Variants in SRL observed in about 807,000 individuals in gnomAD.
SRL encodes sarcalumenin.
In SRL, 23 loss-of-function variants were observed where a neutral mutation model predicts 39.5. The ratio of observed to expected loss-of-function variants is 0.58; its 90% CI spans 0.42 to 0.82. SRL has a LOEUF of 0.82. SRL is among the 40% of genes least tolerant of loss of function. SRL has a pLI of 0.00. For missense variants in SRL, 592 were observed against 607.8 expected, an observed-to-expected ratio of 0.97 and a Z score of 0.27; for synonymous variants, 272 against 237.4, an observed-to-expected ratio of 1.15 and a Z score of -1.34.
rs1252715774 is a variant in SRL, at chr16:4,204,545, C to T, written c.151G>A (p.Asp51Asn). 8.7e-6 allele frequency: 14 copies of T among 1,613,780 alleles called. No individual in the cohort carries two copies. The highest frequency in any genetic ancestry group is 2.2e-5 in the South Asian group (2 of 91,074). ...TLMLNEDKPS[D>N]DYSAVLQRLR... Reference sequence around the variant, plus strand: ...CTCCCCTGGTTACCAGAGTAGTCATCGGATGGCTTGTCCTCATTCAGCATG... The same window carrying T: ...CTCCCCTGGTTACCAGAGTAGTCATTGGATGGCTTGTCCTCATTCAGCATG... Residue 51 changes from aspartate (D) to asparagine (N), a missense_variant, in exon 2 of 6, where the codon GAT becomes AAT. Transcript: ENST00000399609.
At chr16:4,241,359 C>G (rs1420405862) in intron 1 of SRL, among the ~76,000 whole-genome samples, 2 of 152,214 alleles carry the variant, frequency 1.3e-5, no homozygotes, top group African/African-American at 4.8e-5. Flanking sequence ...CCTCAGCACA[C>G]AGAGCCAAGC....
At position 4,201,901 on chromosome 16, in the gene SRL, G is replaced by A. The variant is rs546153984; in HGVS notation, c.259+1265C>T. Reference sequence around the variant, plus strand: ...GAACTCCTGACCTCATGATCTGCCCGCCTTGGCCTCCTAAAGTGCTGGTAT... The same window carrying A: ...GAACTCCTGACCTCATGATCTGCCCACCTTGGCCTCCTAAAGTGCTGGTAT... On this transcript the variant is annotated intron_variant, in intron 3 of 5. Coordinates refer to ENST00000399609, the MANE Select transcript of SRL (RefSeq NM_001098814.2). Among the ~76,000 whole-genome samples, 215 of 151,750 alleles carry A rather than the reference G, an allele frequency of 1.4e-3. 2 individuals are homozygous for A. Among genetic ancestry groups the A allele is most frequent in the South Asian group, 9.4e-3 (45 of 4,802 alleles).
intron 1 of SRL, among the ~76,000 whole-genome samples, chr16:4,238,755 T>C (rs1002343857): frequency 1.3e-5 from 2 of 151,666 alleles, no homozygotes; most frequent in Non-Finnish European, 1.5e-5. Flanking sequence ...CTCAAGTAGC[T>C]GGGACCACAG....
intron 5 of SRL, among the ~76,000 whole-genome samples, chr16:4,194,040 A>C (rs956330041): frequency 6.6e-6 from 1 of 152,082 alleles, no homozygotes; most frequent in Non-Finnish European, 1.5e-5. Flanking sequence ...CCACAATTGG[A>C]GTTGTAACCA....
chr16:4,220,278 A>AACACACACACACACACACACAC (rs71394664), intron 1 of SRL, among the ~76,000 whole-genome samples: 119 of 140,796 alleles, frequency 8.5e-4, no homozygotes, highest in South Asian at 2.6e-3. Context: ...TCTCTACTAA[A>AACACACACACACACACACACAC]ACACACACAC....
At chr16:4,196,825 T>C (rs1238339290) in intron 4 of SRL, among the ~76,000 whole-genome samples, 2 of 152,130 alleles carry the variant, frequency 1.3e-5, no homozygotes, top group Non-Finnish European at 2.9e-5. Context: ...TCCTCTTGTG[T>C]CTGTCTTCTT....
Position 4,190,360 on chromosome 16 carries a change from C to T in SRL, c.*1793G>A, listed in dbSNP as rs2052046268. Reference sequence around the variant, plus strand: ...ACTTCCTGGTGCTGAGCTGGTGCATCCTGACTCCTGCCTCGTGGGTAAGGC... The same window carrying T: ...ACTTCCTGGTGCTGAGCTGGTGCATTCTGACTCCTGCCTCGTGGGTAAGGC... On this transcript the variant is annotated 3_prime_UTR_variant, in exon 6 of 6. Transcript: ENST00000399609. 5.0e-6 allele frequency: 2 copies of T among 398,726 alleles called. No individual in the cohort carries two copies. The highest frequency in any genetic ancestry group is 4.4e-5 in the Admixed American group (1 of 22,724). The allele number at this position is 398,726 out of a possible 1,614,324, so 24.7% of individuals were successfully genotyped here.
At chr16:4,237,139 T>C (rs2052722010) in intron 1 of SRL, among the ~76,000 whole-genome samples, 1 of 151,478 alleles carries the variant, frequency 6.6e-6, no homozygotes. Context: ...ATTTTCTATG[T>C]TGTCCAGGCT....
intron 3 of SRL, among the ~76,000 whole-genome samples, chr16:4,198,292 T>G (rs2052176562): frequency 6.6e-6 from 1 of 152,196 alleles, no homozygotes. Context: ...GGGTTGAGAA[T>G]GGAGGATGGA....
chr16:4,228,387 G>C (rs2052615905), intron 1 of SRL, among the ~76,000 whole-genome samples: 1 of 152,048 alleles, frequency 6.6e-6, no homozygotes, highest in Non-Finnish European at 1.5e-5. Flanking sequence ...AGTGAGCCGA[G>C]ATTGCACCAC....
At chr16:4,197,994 T>G in intron 3 of SRL, 79 bp from the exon 4 acceptor site, 1 of 938,468 alleles carries the variant, frequency 1.1e-6, no homozygotes, top group East Asian at 2.4e-5. Flanking sequence ...CTCCAAAGCA[T>G]CTCACCGTCC....
At chr16:4,237,065 C>T (rs763299211) in intron 1 of SRL, among the ~76,000 whole-genome samples, 224 of 152,146 alleles carry the variant, frequency 1.5e-3, no homozygotes, top group Non-Finnish European at 2.8e-3. Flanking sequence ...CCTCAACCTC[C>T]CAAGTAGCTG....
chr16:4,209,252 G>T (rs375394670), intron 1 of SRL, among the ~76,000 whole-genome samples: 45 of 151,688 alleles, frequency 3.0e-4, no homozygotes, highest in Admixed American at 3.0e-3. Context: ...CAGGCTGGGC[G>T]ACAGAGTGAG....
chr16:4,227,657 G>A (rs879931948), intron 1 of SRL, among the ~76,000 whole-genome samples: 11 of 152,124 alleles, frequency 7.2e-5, no homozygotes, highest in Non-Finnish European at 1.3e-4. Context: ...CCCCACTTGC[G>A]TTCCAAGAGA....
At chr16:4,196,374 T>A (rs577851480) in intron 4 of SRL, among the ~76,000 whole-genome samples, 1 of 151,966 alleles carries the variant, frequency 6.6e-6, no homozygotes, top group Non-Finnish European at 1.5e-5. Context: ...TCTTCCCAAC[T>A]GAAAACTCTG....
intron 1 of SRL, among the ~76,000 whole-genome samples, chr16:4,238,635 T>C (rs2052738621): frequency 6.6e-6 from 1 of 151,808 alleles, no homozygotes; most frequent in African/African-American, 2.4e-5. Flanking sequence ...TTTTTTTTTT[T>C]TTTCCTTGAG....
At chr16:4,234,449 T>C (rs945225352) in intron 1 of SRL, among the ~76,000 whole-genome samples, 1 of 152,188 alleles carries the variant, frequency 6.6e-6, no homozygotes, top group Non-Finnish European at 1.5e-5. Context: ...GCAACAGGCA[T>C]GTCCCCAAGG....
intron 1 of SRL, among the ~76,000 whole-genome samples, chr16:4,226,404 G>T (rs2141061316): frequency 1.3e-5 from 2 of 151,778 alleles, no homozygotes; most frequent in Middle Eastern, 3.4e-3. Context: ...ATGAATGGAT[G>T]GATGGGATGG....
At chr16:4,237,428 C>A (rs2052724941) in intron 1 of SRL, among the ~76,000 whole-genome samples, 1 of 152,182 alleles carries the variant, frequency 6.6e-6, no homozygotes, top group Non-Finnish European at 1.5e-5. Context: ...CCACTCCCAA[C>A]CCCTCGCCCA....
Sources: gnomAD v4.1 joint callset for allele counts (sites outside exome capture counted in the v4.1 genomes callset) on GRCh38, gnomAD v4.1.1 for gene constraint, MANE v1.5 for transcripts, NCBI Gene and HGNC (gene_info 2026-07-23, HGNC 2026-07-21) for gene names.